Variants in DLGAP2 observed in about 807,000 individuals in gnomAD.
The protein encoded by DLGAP2 is disks large-associated protein 2.
DLGAP2 carries 26 observed loss-of-function variants against 100.3 expected under a neutral mutation model. The ratio of observed to expected loss-of-function variants is 0.26; its 90% CI spans 0.19 to 0.36. The LOEUF (loss-of-function observed/expected upper bound fraction) is 0.36, where lower values mean the gene tolerates loss of function less well. DLGAP2 is among the 10% of genes least tolerant of loss of function. The pLI, the probability that DLGAP2 is intolerant of heterozygous loss-of-function variation, is 1.00. For synonymous variants in DLGAP2, 886 were observed against 630.1 expected (o/e 1.41, Z -6.08); for missense variants, 1,858 against 1,453.2 (o/e 1.28, Z -4.53).
rs773636202 is a variant in DLGAP2, at chr8:1,252,333, C to T, written c.74-6518C>T. Among the ~76,000 whole-genome samples the T allele has an allele frequency of 3.0e-4, 43 of 142,486 alleles. 1 individual carries two copies. Among genetic ancestry groups the T allele is most frequent in the Admixed American group, 9.1e-4 (13 of 14,316 alleles). 93.5% of individuals were successfully genotyped at this position (142,486 alleles called of 152,430 possible). On this transcript the variant is annotated intron_variant, in intron 2 of 14. Transcript: ENST00000637795. ...GGGTGTGTTGTGTTGTCCTGGGTCA[C>T]GGTGTCACAGTCATGTCATGTCACA...
chr8:1,622,109 C>T (rs895058460), intron 6 of DLGAP2: 3 of 152,178 alleles, frequency 2.0e-5, no homozygotes, highest in African/African-American at 7.2e-5. Flanking sequence ...GAATAATACA[C>T]ACATGTGCAC....
intron 3 of DLGAP2, among the ~76,000 whole-genome samples, chr8:1,432,474 C>A (rs546605419): frequency 6.6e-6 from 1 of 152,196 alleles, no homozygotes; most frequent in African/African-American, 2.4e-5. Context: ...CATAAAGATT[C>A]ATGGGGCATA....
chr8:1,390,365 A>G (rs981609001), intron 3 of DLGAP2, among the ~76,000 whole-genome samples: 14 of 151,920 alleles, frequency 9.2e-5, no homozygotes, highest in African/African-American at 3.4e-4. Flanking sequence ...TATTAAAATA[A>G]TACTTTTTTT....
At chr8:1,532,710 C>G (rs897367301) in intron 4 of DLGAP2, among the ~76,000 whole-genome samples, 6 of 152,132 alleles carry the variant, frequency 3.9e-5, no homozygotes, top group Non-Finnish European at 8.8e-5. Context: ...AATAGAGTTA[C>G]TTTTTAAAAT....
At chr8:1,240,206 TCACA>T in intron 2 of DLGAP2, among the ~76,000 whole-genome samples, 2 of 134,434 alleles carry the variant, frequency 1.5e-5, no homozygotes, top group Non-Finnish European at 3.3e-5. Context: ...TCTAGTTCTC[TCACA>T]TGGCACTGTG....
At chr8:974,772 C>T (rs1800120667) in intron 2 of DLGAP2, among the ~76,000 whole-genome samples, 1 of 152,048 alleles carries the variant, frequency 6.6e-6, no homozygotes, top group Non-Finnish European at 1.5e-5. Flanking sequence ...AATGTATTTA[C>T]CATTGAATAC....
chr8:764,572 C>T (rs926445966), intron 1 of DLGAP2, among the ~76,000 whole-genome samples: 5 of 152,176 alleles, frequency 3.3e-5, no homozygotes, highest in Admixed American at 2.0e-4. Flanking sequence ...CCTTGTCACC[C>T]GAGTCCAAGC....
chr8:1,165,943 T>G (rs1797006376), intron 2 of DLGAP2, among the ~76,000 whole-genome samples: 1 of 152,224 alleles, frequency 6.6e-6, no homozygotes, highest in African/African-American at 2.4e-5. Flanking sequence ...TTAACCATTA[T>G]CCAGTTTCTT....
intron 8 of DLGAP2, among the ~76,000 whole-genome samples, chr8:1,655,967 G>A (rs1162020064): frequency 6.6e-6 from 1 of 152,216 alleles, no homozygotes; most frequent in Non-Finnish European, 1.5e-5. Flanking sequence ...CATGACCAGT[G>A]GACACACAGC....
At chr8:1,511,916 C>T (rs1368887426) in intron 4 of DLGAP2, among the ~76,000 whole-genome samples, 1 of 152,264 alleles carries the variant, frequency 6.6e-6, no homozygotes, top group Non-Finnish European at 1.5e-5. Context: ...CAAGTCTTAT[C>T]AGAGCCTGAC....
At chr8:888,808 C>T (rs989794985) in intron 1 of DLGAP2, among the ~76,000 whole-genome samples, 51 of 152,072 alleles carry the variant, frequency 3.4e-4, no homozygotes, top group Non-Finnish European at 6.0e-4. Flanking sequence ...AGTAGGGTGT[C>T]TGTGTACAGG....
chr8:1,454,085 C>T (rs1798238159), intron 3 of DLGAP2, among the ~76,000 whole-genome samples: 1 of 152,156 alleles, frequency 6.6e-6, no homozygotes, highest in African/African-American at 2.4e-5. Flanking sequence ...ATCTGAGGCA[C>T]GATGAAGCCA....
chr8:1,297,743 A>G (rs1360649773), intron 3 of DLGAP2, among the ~76,000 whole-genome samples: 2 of 112,736 alleles, frequency 1.8e-5, no homozygotes, highest in Non-Finnish European at 3.6e-5. Context: ...AACAGACACC[A>G]TGTGAGACGG....
At chr8:1,166,500 T>G (rs1051667771) in intron 2 of DLGAP2, among the ~76,000 whole-genome samples, 11 of 152,212 alleles carry the variant, frequency 7.2e-5, no homozygotes, top group African/African-American at 2.7e-4. Flanking sequence ...TTTCTCCTCC[T>G]TTTCACTGTA....
chr8:980,438 C>T (rs1429369392), intron 2 of DLGAP2, among the ~76,000 whole-genome samples: 2 of 152,218 alleles, frequency 1.3e-5, no homozygotes, highest in Admixed American at 1.3e-4. Flanking sequence ...TGCATGTAAT[C>T]AGCCACAATT....
chr8:928,281 A>T (rs997573141), intron 2 of DLGAP2, among the ~76,000 whole-genome samples: 1 of 151,840 alleles, frequency 6.6e-6, no homozygotes, highest in East Asian at 1.9e-4. Context: ...GACACGGTTT[A>T]CCGAGGTTGA....
intron 3 of DLGAP2, among the ~76,000 whole-genome samples, chr8:1,294,909 T>C (rs1388644820): frequency 6.6e-6 from 1 of 151,506 alleles, no homozygotes; most frequent in Admixed American, 6.6e-5. Flanking sequence ...AAGTTACTAA[T>C]TTTGTTATGT....
chr8:819,223 A>G (rs918878040), intron 1 of DLGAP2, among the ~76,000 whole-genome samples: 1 of 152,234 alleles, frequency 6.6e-6, no homozygotes, highest in South Asian at 2.1e-4. Flanking sequence ...TATTTTAATA[A>G]TAGTATCCCT....
chr8:1,063,910 C>T (rs1398344279), intron 2 of DLGAP2, among the ~76,000 whole-genome samples: 1 of 152,168 alleles, frequency 6.6e-6, no homozygotes, highest in Admixed American at 6.5e-5. Flanking sequence ...CTCTCTCCAG[C>T]TTGGTGAATC....
Sources: gnomAD v4.1 joint callset for allele counts (sites outside exome capture counted in the v4.1 genomes callset) on GRCh38, gnomAD v4.1.1 for gene constraint, MANE v1.5 for transcripts, NCBI Gene and HGNC (gene_info 2026-07-23, HGNC 2026-07-21) for gene names.